Variants in KIF26A observed in about 807,000 individuals in gnomAD.
KIF26A encodes the protein kinesin family member 26A, also known as kinesin-like protein KIF26A.
In KIF26A, 74 loss-of-function variants were observed where a neutral mutation model predicts 126.0. That is an observed-to-expected ratio of 0.59 (90% CI 0.49 to 0.71). KIF26A has a LOEUF of 0.71. Ranked by LOEUF, KIF26A falls within the 30% of genes least tolerant of loss-of-function variation. KIF26A has a pLI of 0.00. For synonymous variants in KIF26A, 1,445 were observed against 1,232.7 expected (o/e 1.17, Z -3.61); for missense variants, 2,984 against 2,763.3 (o/e 1.08, Z -1.79).
intron 2 of KIF26A, among the ~76,000 whole-genome samples, chr14:104,143,086 G>A (rs2037651149): frequency 6.6e-6 from 1 of 152,258 alleles, no homozygotes; most frequent in South Asian, 2.1e-4. Flanking sequence ...TGAAGCGTCA[G>A]TACCGGTGCT....
intron 5 of KIF26A, among the ~76,000 whole-genome samples, chr14:104,170,189 G>A (rs2037943616): frequency 6.6e-6 from 1 of 152,234 alleles, no homozygotes. Flanking sequence ...TCCTGAAGTG[G>A]TGAGGAGTTC....
rs369799634 is a variant in KIF26A at position 104,157,757 on chromosome 14, C to T, written c.738C>T (p.Ala246=). 27 of 1,610,454 alleles carry T rather than the reference C, an allele frequency of 1.7e-5. No homozygotes were observed. Among genetic ancestry groups the T allele is most frequent in the Middle Eastern group, 1.6e-4 (1 of 6,072 alleles). ...ACGCACTCTCTCCTTCCCTCCAGGC[C>T]GAGGCAGCGGTGGCGGCCGTGGCGG... The part of the protein sequence containing the change: ...VNSFLPPACL[A]EAAVAAVAVA... The change falls in exon 4 of 15, where the codon GCC becomes GCT. Residue 246 remains alanine, a splice_region_variant and synonymous_variant. Coordinates refer to ENST00000423312, the MANE Select transcript of KIF26A (RefSeq NM_015656.2).
chr14:104,144,470 C>A (rs926383838), intron 2 of KIF26A, among the ~76,000 whole-genome samples: 1 of 152,158 alleles, frequency 6.6e-6, no homozygotes, highest in African/African-American at 2.4e-5. Context: ...TGCTCAGAGT[C>A]CTGCTGGAGG....
Position 104,138,665 on chromosome 14 carries a change from G to GC in KIF26A, c.-53dup. 6.5e-6 allele frequency: 8 copies of GC among 1,230,904 alleles called. No homozygotes were observed. Among genetic ancestry groups the GC allele is most frequent in the Middle Eastern group, 3.2e-4 (1 of 3,110 alleles). 76.2% of individuals were successfully genotyped at this position (1,230,904 alleles called of 1,614,324 possible). On this transcript the variant is annotated 5_prime_UTR_variant, in exon 1 of 15. Transcript: ENST00000423312. ...CGGGGCCGGATCACGTAGCCGCGGC[G>GC]CCCCCGGAGAGCCAGCGTGGCCGGG...
intron 4 of KIF26A, among the ~76,000 whole-genome samples, chr14:104,165,441 G>C (rs560084990): frequency 0.015 from 2,211 of 147,280 alleles, 31 homozygotes; most frequent in Non-Finnish European, 0.023. Flanking sequence ...GTCTGTCTCT[G>C]TGTGTGTTTC....
chr14:104,176,953 C>T lies in KIF26A; in HGVS notation c.4165C>T (p.Arg1389Trp), dbSNP rs911641463. 10 of 1,534,674 alleles carry T rather than the reference C, an allele frequency of 6.5e-6. No individual in the cohort carries two copies. Among genetic ancestry groups the T allele is most frequent in the Admixed American group, 5.9e-5 (3 of 50,908 alleles). ...CCCTCCGCATGCTGTGAACCCGGCG[C>T]GGGTCGGGGCTGCTGCTGTCCTTCG... ...SAPPHAVNPARVGAAAVLRGE... is the reference protein window; with the variant it reads ...SAPPHAVNPAWVGAAAVLRGE... Residue 1389 changes from arginine (R) to tryptophan (W), a missense_variant, in exon 12 of 15, where the codon CGG (arginine) becomes TGG (tryptophan). By Grantham distance (101) the Arg-to-Trp change is moderately radical. Coordinates refer to ENST00000423312, the MANE Select transcript of KIF26A (RefSeq NM_015656.2).
At chr14:104,164,162 G>A (rs888558640) in intron 4 of KIF26A, among the ~76,000 whole-genome samples, 4 of 152,306 alleles carry the variant, frequency 2.6e-5, no homozygotes, top group African/African-American at 7.2e-5. Context: ...TGGGGGCAGC[G>A]AGAGGCCGGG....
chr14:104,177,990 C>A, intron 12 of KIF26A, 92 bp downstream of exon 12: 1 of 1,316,676 alleles, frequency 7.6e-7, no homozygotes, highest in Non-Finnish European at 9.9e-7. Context: ...CCAGGAGATG[C>A]TGGACAGATG....
Position 104,173,059 on chromosome 14 carries a change from G to A in KIF26A, c.1503G>A (p.Arg501=). ...CCTGCGCCATCTCCTGGCTCTTCAGGCTCATCGAGGAGCGCAGGGAGAGGA... is the reference window on the plus strand; with the variant it reads ...CCTGCGCCATCTCCTGGCTCTTCAGACTCATCGAGGAGCGCAGGGAGAGGA... The part of the protein sequence containing the change: ...IVPCAISWLF[R]LIEERRERTG... The change falls in exon 8 of 15, where the codon AGG becomes AGA. Residue 501 remains arginine, a synonymous_variant. Transcript: ENST00000423312. 6.2e-7 allele frequency: 1 copy of A among 1,605,954 alleles called. No homozygotes were observed. The highest frequency in any genetic ancestry group is 8.5e-7 in the Non-Finnish European group (1 of 1,177,210).
rs775591438 is a variant in KIF26A at position 104,176,269 on chromosome 14, C to T, written c.3481C>T (p.Leu1161=). The stretch of plus-strand genomic sequence containing the variant: ...CCTGGGGGATGGAAGCTCTGGGTTC[C>T]TGGGGCCAGACAGACCTGACAGTCC... The part of the protein sequence containing the change: ...GSLGDGSSGF[L]GPDRPDSPGP... Residue 1161 remains leucine (L), a synonymous_variant, in exon 12 of 15, where the codon CTG becomes TTG. Coordinates refer to ENST00000423312, the MANE Select transcript of KIF26A (RefSeq NM_015656.2). 5.0e-6 allele frequency: 8 copies of T among 1,595,506 alleles called. No homozygotes were observed. The African/African-American group carries it at 9.4e-5, about 19-fold the overall frequency.
chr14:104,159,192 T>C (rs1239648810), intron 4 of KIF26A, among the ~76,000 whole-genome samples: 1 of 152,196 alleles, frequency 6.6e-6, no homozygotes, highest in East Asian at 1.9e-4. Flanking sequence ...CACGGCTGGC[T>C]GGGACCCTGG....
chr14:104,177,181 C>G lies in KIF26A; in HGVS notation c.4393C>G (p.Leu1465Val). The G allele has an allele frequency of 6.3e-7, 1 of 1,596,520 alleles. No individual in the cohort carries two copies. Among genetic ancestry groups the G allele is most frequent in the Non-Finnish European group, 8.5e-7 (1 of 1,178,008 alleles). Residue 1465 changes from leucine (L) to valine (V), a missense_variant, in exon 12 of 15, where the codon CTG becomes GTG. Leu to Val is a conservative substitution (Grantham distance 32). Transcript: ENST00000423312. ...GCGGCCTCCCCGGGCTGTACCCAAG[C>G]TGGGTGTGCCACCCTCCAGCCCCAC... ...PGRPPRAVPK[L>V]GVPPSSPTHG... is the part of the protein sequence containing the mutation.
At chr14:104,163,974 G>A (rs1178847380) in intron 4 of KIF26A, among the ~76,000 whole-genome samples, 3 of 152,090 alleles carry the variant, frequency 2.0e-5, no homozygotes, top group Non-Finnish European at 4.4e-5. Flanking sequence ...TTGCCTGGGT[G>A]GCTGCAGGCA....
At position 104,176,933 on chromosome 14, in the gene KIF26A, C is replaced by A; in HGVS notation, c.4145C>A (p.Pro1382Gln). 1 of 1,536,402 alleles carries A rather than the reference C, an allele frequency of 6.5e-7. No homozygotes were observed. Among genetic ancestry groups the A allele is most frequent in the Middle Eastern group, 1.8e-4 (1 of 5,508 alleles). ...AGGAGCAGCCCGGCCTCGGCCCCTC[C>A]GCATGCTGTGAACCCGGCGCGGGTC... Reference protein sequence around the residue: ...EQRSSPASAPPHAVNPARVGA... With the variant: ...EQRSSPASAPQHAVNPARVGA... The change falls in exon 12 of 15, where the codon CCG (proline) becomes CAG (glutamine). Residue 1382 changes from proline (P) to glutamine (Q), a missense_variant. Coordinates refer to ENST00000423312, the MANE Select transcript of KIF26A (RefSeq NM_015656.2).
At position 104,152,371 on chromosome 14, in the gene KIF26A, G is replaced by A. The variant is rs747368135; in HGVS notation, c.645G>A (p.Ala215=). The A allele has an allele frequency of 8.8e-6, 14 of 1,591,626 alleles. No individual in the cohort carries two copies. Among genetic ancestry groups the A allele is most frequent in the East Asian group, 4.6e-5 (2 of 43,780 alleles). ...TAGCACCTGCGGGTCTTGGAGGGGC[G>A]CTGAGCACGGTCACCATCCAGGCCC... ...VSVAPAGLGG[A]LSTVTIQAQQ... The change falls in exon 3 of 15, where the codon GCG becomes GCA. Residue 215 remains alanine (A), a synonymous_variant. Transcript: ENST00000423312. The surrounding 1 kb of genome is among the most constrained non-coding windows in gnomAD (Gnocchi z 5.9).
At chr14:104,165,153 A>G (rs1310331783) in intron 4 of KIF26A, among the ~76,000 whole-genome samples, 1 of 146,848 alleles carries the variant, frequency 6.8e-6, no homozygotes, top group Non-Finnish European at 1.5e-5. Flanking sequence ...TTCTGTATGC[A>G]TGTGTGTATC....
rs192885565 is a variant in KIF26A at position 104,174,401 on chromosome 14, C to G, written c.2193+91C>G. The G allele has an allele frequency of 4.5e-5, 59 of 1,299,026 alleles. No individual in the cohort carries two copies. The African/African-American group carries it at 9.0e-4, about 20-fold the overall frequency. The allele number at this position is 1,299,026 out of a possible 1,614,324, so 80.5% of individuals were successfully genotyped here. On this transcript the variant is annotated intron_variant, in intron 11 of 14. Coordinates refer to ENST00000423312, the MANE Select transcript of KIF26A (RefSeq NM_015656.2). The stretch of plus-strand genomic sequence containing the variant: ...CTGCTGGCCTGGTTGGGGTGGGGGT[C>G]AGCAGGTGGCCTGGAGCCTGGGTAG...
intron 4 of KIF26A, among the ~76,000 whole-genome samples, chr14:104,161,331 G>A (rs540898449): frequency 1.2e-4 from 18 of 152,216 alleles, no homozygotes; most frequent in East Asian, 1.9e-4. Flanking sequence ...GTGGGGCTCC[G>A]TCCACCAGCC....
intron 4 of KIF26A, among the ~76,000 whole-genome samples, chr14:104,160,746 G>C (rs139903593): frequency 2.6e-5 from 4 of 152,334 alleles, no homozygotes; most frequent in African/African-American, 4.8e-5. Flanking sequence ...AGCCTCTGCA[G>C]TGCCTCCTCT....
Sources: gnomAD v4.1 joint callset for allele counts (sites outside exome capture counted in the v4.1 genomes callset) on GRCh38, gnomAD v4.1.1 for gene constraint, Gnocchi (gnomAD v3.1) non-coding constraint, MANE v1.5 for transcripts, NCBI Gene and HGNC (gene_info 2026-07-23, HGNC 2026-07-21) for gene names.